The following COL12A1 variants were observed in gnomAD, a reference collection of about 807,000 sequenced individuals.
COL12A1 encodes the protein collagen alpha-1(XII) chain.
COL12A1 carries 114 observed loss-of-function variants against 349.7 expected under a neutral mutation model. That is an observed-to-expected ratio of 0.33 (90% CI 0.28 to 0.38). The LOEUF (loss-of-function observed/expected upper bound fraction) is 0.38, where lower values mean the gene tolerates loss of function less well. Ranked by LOEUF, COL12A1 falls within the 10% of genes least tolerant of loss-of-function variation. COL12A1 has a pLI of 1.00. For missense variants in COL12A1, 3,284 were observed against 3,756.9 expected (o/e 0.87, Z 3.29); for synonymous variants, 1,369 against 1,329.0 (o/e 1.03, Z -0.66).
At chr6:75,198,496 T>A (rs1267117603) in intron 2 of COL12A1, among the ~76,000 whole-genome samples, 2 of 151,470 alleles carry the variant, frequency 1.3e-5, no homozygotes, top group African/African-American at 4.8e-5. Flanking sequence ...TATTACATAT[T>A]ACATATTATT....
chr6:75,162,913 G>A lies in COL12A1; in HGVS notation c.2983+2594C>T, dbSNP rs555952048. 1.2e-4 allele frequency among the ~76,000 whole-genome samples: 19 copies of A among 152,296 alleles called. 1 individual carries two copies. The Middle Eastern group carries it at 0.02, about 164-fold the overall frequency. On this transcript the variant is annotated intron_variant, in intron 14 of 65. Coordinates refer to ENST00000322507, the MANE Select transcript of COL12A1 (RefSeq NM_004370.6). ...GCAGCCAACAGACATATGAAAAAAA[G>A]ATCATCATCACTGATCATTAGAGAA...
chr6:75,157,389 A>G (rs914216070), intron 14 of COL12A1, among the ~76,000 whole-genome samples: 3 of 152,076 alleles, frequency 2.0e-5, no homozygotes, highest in African/African-American at 7.2e-5. Context: ...ATTGTAAGAG[A>G]AAATTTCGTG....
intron 15 of COL12A1, 65 bp downstream of exon 15, chr6:75,156,192 A>G: frequency 6.4e-7 from 1 of 1,565,456 alleles, no homozygotes; most frequent in Non-Finnish European, 8.7e-7. Context: ...TGAAGTAGAC[A>G]TACCAAAGTC....
chr6:75,115,955 T>C, intron 48 of COL12A1, 33 bp from the exon 49 acceptor site: 1 of 1,612,088 alleles, frequency 6.2e-7, no homozygotes, highest in Non-Finnish European at 8.5e-7. Context: ...TTAAACGGAG[T>C]ACATTTTAAT....
chr6:75,165,468 C>A, intron 14 of COL12A1, 39 bp downstream of exon 14: 1 of 1,598,898 alleles, frequency 6.3e-7, no homozygotes, highest in South Asian at 1.1e-5. Flanking sequence ...TATTGGGTAG[C>A]ACCGGCACAC....
chr6:75,196,200 G>A (rs1770219529), intron 2 of COL12A1, among the ~76,000 whole-genome samples: 1 of 152,146 alleles, frequency 6.6e-6, no homozygotes, highest in Non-Finnish European at 1.5e-5. Context: ...CTTGAAACAG[G>A]TCAACAAATT....
intron 10 of COL12A1, among the ~76,000 whole-genome samples, chr6:75,182,601 CA>C (rs1769373832): frequency 6.6e-6 from 1 of 152,114 alleles, no homozygotes; most frequent in African/African-American, 2.4e-5. Context: ...AGGAAAATTC[CA>C]GATGTGACAA....
intron 12 of COL12A1, among the ~76,000 whole-genome samples, chr6:75,175,706 TAATC>T (rs1054006360): frequency 6.6e-6 from 1 of 152,260 alleles, no homozygotes; most frequent in Non-Finnish European, 1.5e-5. Flanking sequence ...TAAAAACAGT[TAATC>T]AGTGTAATGC....
At chr6:75,145,069 A>T (rs1364392799) in intron 25 of COL12A1, among the ~76,000 whole-genome samples, 1 of 152,240 alleles carries the variant, frequency 6.6e-6, no homozygotes, top group Non-Finnish European at 1.5e-5. Flanking sequence ...GAGCAATAAT[A>T]GTAAGACACC....
Position 75,124,069 on chromosome 6 carries a change from C to T in COL12A1, c.6750G>A (p.Val2250=), listed in dbSNP as rs1765887821. ...ADGTRGQEIT[V]RGSETSHCFT... is the part of the protein sequence containing the mutation. The stretch of plus-strand genomic sequence containing the variant: ...AGCAGTGACTGGTTTCTGATCCACG[C>T]ACTGTAATTTCTTGTCCCCTTGTTC... The change falls in exon 42 of 66, where the codon GTG becomes GTA. Residue 2250 remains valine (V), a synonymous_variant. Transcript: ENST00000322507. 1 of 1,613,718 alleles carries T rather than the reference C, an allele frequency of 6.2e-7. No individual in the cohort carries two copies. The highest frequency in any genetic ancestry group is 2.2e-5 in the East Asian group (1 of 44,868).
intron 57 of COL12A1, 61 bp from the exon 58 acceptor site, chr6:75,101,714 CTTTG>C: frequency 6.4e-7 from 1 of 1,563,362 alleles, no homozygotes; most frequent in East Asian, 2.2e-5. Flanking sequence ...GGGAGAGAAT[CTTTG>C]TTATTTTCCA....
At chr6:75,183,741 TAA>T (rs36085827) in intron 9 of COL12A1, 89 bp from the exon 10 acceptor site, 70 of 1,456,288 alleles carry the variant, frequency 4.8e-5, no homozygotes, top group Admixed American at 3.1e-4. Context: ...CGTGCTTCTT[TAA>T]AAAAAAAACT....
chr6:75,125,710 T>C (rs1482032232), intron 39 of COL12A1, among the ~76,000 whole-genome samples: 1 of 152,126 alleles, frequency 6.6e-6, no homozygotes, highest in Non-Finnish European at 1.5e-5. Flanking sequence ...CCCCACTTTC[T>C]TTTTTAAGTT....
chr6:75,147,264 A>T (rs1767242542), intron 23 of COL12A1, among the ~76,000 whole-genome samples: 2 of 152,224 alleles, frequency 1.3e-5, no homozygotes, highest in Admixed American at 1.3e-4. Context: ...ATCCTTCCTC[A>T]TATCTTACTC....
chr6:75,134,772 C>A lies in COL12A1; in HGVS notation c.5478G>T (p.Leu1826=). ...DTPYTITVSS[L]YPDGEGGRMT... ...TCCGACCTCCTTCACCATCAGGATA[C>A]AGAGAGGATACGGTGATAGTGTAAG... The change falls in exon 32 of 66, where the codon CTG becomes CTT. Residue 1826 remains leucine (L), a synonymous_variant. Transcript: ENST00000322507. 6.2e-7 allele frequency: 1 copy of A among 1,612,610 alleles called. No individual in the cohort carries two copies.
rs1354156863 is a variant in COL12A1, at chr6:75,154,448, G to C, written c.3533C>G (p.Ser1178Cys). 6.2e-7 allele frequency: 1 copy of C among 1,612,436 alleles called. No individual in the cohort carries two copies. The highest frequency in any genetic ancestry group is 8.5e-7 in the Non-Finnish European group (1 of 1,179,054). Residue 1178 changes from serine (S) to cysteine (C), a missense_variant, in exon 17 of 66, where the codon TCC becomes TGC. Around this residue, in one of 2 missense-constraint regions of COL12A1, gnomAD observed 2,601 missense variants for 2,824.8 expected, o/e 0.92. Transcript: ENST00000322507. ...PLVGQEMTTL[S>C]DTTVMPILSS... Reference sequence around the variant, plus strand: ...TAAAATTGGCATAACAGTTGTGTCGGAAAGGGTTGTCATTTCTTGTCCAAC... The same window carrying C: ...TAAAATTGGCATAACAGTTGTGTCGCAAAGGGTTGTCATTTCTTGTCCAAC...
chr6:75,132,107 A>G (rs756634191), intron 34 of COL12A1, 25 bp from the exon 35 acceptor site: 4 of 1,612,058 alleles, frequency 2.5e-6, no homozygotes, highest in East Asian at 4.5e-5. Flanking sequence ...GCCAACATCT[A>G]TTTTTTAAGT....
chr6:75,183,635 C>T lies in COL12A1; in HGVS notation c.1306G>A (p.Asp436Asn), dbSNP rs900912493. The T allele has an allele frequency of 6.2e-7, 1 of 1,610,108 alleles. No homozygotes were observed. Among genetic ancestry groups the T allele is most frequent in the African/African-American group, 1.3e-5 (1 of 74,518 alleles). ...KVQVECSRGV[D>N]IKADIVFLVD... ...AAAAACACAATATCGGCTTTTATAT[C>T]CACACCACGTGAGCATTCTGTAAAG... The change falls in exon 10 of 66, where the codon GAT becomes AAT. Residue 436 changes from aspartate to asparagine, a missense_variant. By Grantham distance (23) the Asp-to-Asn change is conservative. Transcript: ENST00000322507.
intron 49 of COL12A1, 120 bp downstream of exon 49, chr6:75,115,664 G>T: frequency 8.0e-7 from 1 of 1,255,968 alleles, no homozygotes; most frequent in East Asian, 2.3e-5. Flanking sequence ...AACCAATCAG[G>T]GTCATCCATA....
Sources: gnomAD v4.1 joint callset for allele counts (sites outside exome capture counted in the v4.1 genomes callset) on GRCh38, gnomAD v4.1.1 for gene constraint, gnomAD v4.1.1 regional missense constraint, MANE v1.5 for transcripts, NCBI Gene and HGNC (gene_info 2026-07-23, HGNC 2026-07-21) for gene names.